Variants in GLI3 observed in about 807,000 individuals in gnomAD.
The protein encoded by GLI3 is transcription activator GLI3.
GLI3 carries 20 observed loss-of-function variants against 100.8 expected under a neutral mutation model. That is an observed-to-expected ratio of 0.20 (90% CI 0.14 to 0.29). The LOEUF (loss-of-function observed/expected upper bound fraction) is 0.29. Among genes scored for constraint, GLI3 ranks in the 10% least tolerant of loss-of-function variants. The probability of loss-of-function intolerance (pLI) is 1.00; values close to 1 mark genes in which losing one functional copy is unlikely to be tolerated. For synonymous variants in GLI3, 938 were observed against 860.5 expected, an observed-to-expected ratio of 1.09 and a Z score of -1.58; for missense variants, 2,040 against 2,128.5, an observed-to-expected ratio of 0.96 and a Z score of 0.82.
intron 11 of GLI3, 34 bp downstream of exon 11, chr7:41,978,565 C>T (rs1787570592): frequency 6.2e-7 from 1 of 1,610,810 alleles, no homozygotes; most frequent in African/African-American, 1.3e-5. Context: ...TGGGGAAGGA[C>T]CCAAGTGTGC....
chr7:42,092,408 A>AT (rs1350700177), intron 3 of GLI3, among the ~76,000 whole-genome samples: 4 of 152,190 alleles, frequency 2.6e-5, no homozygotes, highest in Admixed American at 2.6e-4. Context: ...GTTCAAGACA[A>AT]GAACCAGGGC....
At chr7:42,225,745 T>C (rs1490543201) in intron 1 of GLI3, among the ~76,000 whole-genome samples, 1 of 152,204 alleles carries the variant, frequency 6.6e-6, no homozygotes, top group African/African-American at 2.4e-5. Context: ...AACTAATGAA[T>C]GAACTGCACT....
chr7:42,078,304 C>T (rs921630869), intron 3 of GLI3, among the ~76,000 whole-genome samples: 1 of 152,206 alleles, frequency 6.6e-6, no homozygotes, highest in Non-Finnish European at 1.5e-5. Context: ...AATATAAGCA[C>T]AACAAACATG....
chr7:42,237,409 C>T (rs991792030), upstream of GLI3, among the ~76,000 whole-genome samples: 1 of 152,132 alleles, frequency 6.6e-6, no homozygotes, highest in African/African-American at 2.4e-5. Flanking sequence ...ATCCAATCGA[C>T]TTTCTGGAAA....
chr7:42,140,806 T>C (rs860149), intron 3 of GLI3, among the ~76,000 whole-genome samples: 2,884 of 152,196 alleles, frequency 0.019, 105 homozygotes, highest in African/African-American at 0.066. Context: ...TCTTTAATTA[T>C]ACAAGAAAAA....
At chr7:42,220,619 G>A (rs2128701772) in intron 2 of GLI3, among the ~76,000 whole-genome samples, 1 of 152,298 alleles carries the variant, frequency 6.6e-6, no homozygotes, top group Middle Eastern at 3.4e-3. Context: ...TCCTGGGACT[G>A]TAAAAAGGCT....
At chr7:42,046,486 A>G (rs992863869) in intron 5 of GLI3, among the ~76,000 whole-genome samples, 2 of 152,244 alleles carry the variant, frequency 1.3e-5, no homozygotes, top group Non-Finnish European at 2.9e-5. Context: ...TTAGGCCACA[A>G]GGGAAATATT....
At chr7:42,246,612 AAAAACAAAAC>A (rs3057272) in intron 1 of GLI3, among the ~76,000 whole-genome samples, 6,354 of 149,996 alleles carry the variant, frequency 0.042, 423 homozygotes, top group African/African-American at 0.14. Context: ...GTACATACAG[AAAAACAAAAC>A]AAAACAAAAC....
intron 3 of GLI3, among the ~76,000 whole-genome samples, chr7:42,107,256 G>A (rs1303633523): frequency 3.3e-5 from 5 of 151,778 alleles, no homozygotes; most frequent in South Asian, 2.1e-4. Context: ...CCTTGAGCCC[G>A]GGAGGTCGGG....
rs140108782 is a variant in GLI3 at position 42,165,744 on chromosome 7, C to T, written c.125-17276G>A. ...AGAAACATCTAAAATGCCTCTTAAA[C>T]GTGGGCAAGTCAATTTTGTAAAGTC... On this transcript the variant is annotated intron_variant, in intron 2 of 14. Transcript: ENST00000395925. Among the ~76,000 whole-genome samples, 380 of 152,222 alleles carry T rather than the reference C, an allele frequency of 2.5e-3. 2 individuals are homozygous for T. Among genetic ancestry groups the T allele is most frequent in the African/African-American group, 8.4e-3 (350 of 41,518 alleles).
At chr7:42,014,557 A>G (rs1034478087) in intron 10 of GLI3, among the ~76,000 whole-genome samples, 2 of 152,158 alleles carry the variant, frequency 1.3e-5, no homozygotes, top group African/African-American at 2.4e-5. Flanking sequence ...CCTTTCTGCA[A>G]TGGTCTTTCT....
intron 2 of GLI3, among the ~76,000 whole-genome samples, chr7:42,205,827 A>C (rs1788139106): frequency 6.6e-6 from 1 of 152,244 alleles, no homozygotes; most frequent in African/African-American, 2.4e-5. Flanking sequence ...TAAACACCAA[A>C]GCAAGTGTGC....
intron 7 of GLI3, among the ~76,000 whole-genome samples, chr7:42,030,689 T>C (rs1789260582): frequency 7.0e-6 from 1 of 142,298 alleles, no homozygotes; most frequent in African/African-American, 3.0e-5. Context: ...ATTACTATTG[T>C]TGATTTGTTT....
intron 2 of GLI3, among the ~76,000 whole-genome samples, chr7:42,182,413 C>G (rs1443313963): frequency 2.6e-5 from 4 of 151,290 alleles, no homozygotes; most frequent in African/African-American, 9.7e-5. Flanking sequence ...GTACCAAAGA[C>G]CCTGCTTTAT....
At chr7:42,041,829 A>G (rs1784145844) in intron 6 of GLI3, among the ~76,000 whole-genome samples, 1 of 152,182 alleles carries the variant, frequency 6.6e-6, no homozygotes, top group Non-Finnish European at 1.5e-5. Flanking sequence ...AAATCCACAA[A>G]CTGAAATTTA....
At chr7:42,079,734 C>T (rs1382421020) in intron 3 of GLI3, among the ~76,000 whole-genome samples, 2 of 152,150 alleles carry the variant, frequency 1.3e-5, no homozygotes, top group South Asian at 2.1e-4. Context: ...TATTTCATGG[C>T]TTTTGGCTGT....
chr7:42,130,164 G>A lies in GLI3; in HGVS notation c.367+18062C>T, dbSNP rs369874809. On this transcript the variant is annotated intron_variant, in intron 3 of 14. Transcript: ENST00000395925. ...AGCTCCCCAGAATCAAGCCCTCTTC[G>A]TTCTGGCATGTGGAGAAGCTCCACC... Among the ~76,000 whole-genome samples, 5 of 152,154 alleles carry A rather than the reference G, an allele frequency of 3.3e-5. No individual in the cohort carries two copies. The East Asian group carries it at 7.8e-4, about 24-fold the overall frequency.
intron 1 of GLI3, among the ~76,000 whole-genome samples, chr7:42,256,160 T>C (rs1789082940): frequency 6.6e-6 from 1 of 152,188 alleles, no homozygotes; most frequent in Non-Finnish European, 1.5e-5. Flanking sequence ...TTTAATCTTA[T>C]TGTGTTGTAA....
At chr7:41,985,485 CTATTACTCTTTAGGTAG>C (rs1190549323) in intron 10 of GLI3, among the ~76,000 whole-genome samples, 5 of 151,886 alleles carry the variant, frequency 3.3e-5, no homozygotes, top group African/African-American at 7.3e-5. Flanking sequence ...TGTTATAAGC[CTATTACTCTTTAGGTAG>C]TATTACTCTT....
Sources: gnomAD v4.1 joint callset for allele counts (sites outside exome capture counted in the v4.1 genomes callset) on GRCh38, gnomAD v4.1.1 for gene constraint, MANE v1.5 for transcripts, NCBI Gene and HGNC (gene_info 2026-07-23, HGNC 2026-07-21) for gene names.